The following PCDHGA10 variants were observed in gnomAD, a reference collection of about 807,000 sequenced individuals.
PCDHGA10 encodes the protein protocadherin gamma-A10.
In PCDHGA10, 42 loss-of-function variants were observed where a neutral mutation model predicts 59.5. The ratio of observed to expected loss-of-function variants is 0.71; its 90% CI spans 0.55 to 0.91. PCDHGA10 has a LOEUF of 0.91. Among genes scored for constraint, PCDHGA10 ranks in the 40% least tolerant of loss-of-function variants. The probability of loss-of-function intolerance (pLI) is 0.00; values close to 1 mark genes in which losing one functional copy is unlikely to be tolerated. For synonymous variants in PCDHGA10, 511 were observed against 517.2 expected, an observed-to-expected ratio of 0.99 and a Z score of 0.16; for missense variants, 1,111 against 1,198.2, an observed-to-expected ratio of 0.93 and a Z score of 1.07.
chr5:141,503,213 A>G (rs1368413073), intron 2 of PCDHGA10, among the ~76,000 whole-genome samples: 1 of 152,100 alleles, frequency 6.6e-6, no homozygotes, highest in Non-Finnish European at 1.5e-5. Flanking sequence ...AGTGCCCACC[A>G]TGAGCACCGT....
At chr5:141,417,913 T>C in intron 1 of PCDHGA10, 1 of 1,601,944 alleles carries the variant, frequency 6.2e-7, no homozygotes, top group Admixed American at 1.8e-5. Context: ...AGGTACTATT[T>C]CCTTTGCTGC....
chr5:141,431,036 G>A lies in PCDHGA10; in HGVS notation c.2436+15425G>A. The A allele has an allele frequency of 6.2e-7, 1 of 1,614,204 alleles. No individual in the cohort carries two copies. Among genetic ancestry groups the A allele is most frequent in the Non-Finnish European group, 8.5e-7 (1 of 1,180,034 alleles). ...GGTCACGGCGGGCAGGATAGACCGG[G>A]AGGAGCTCTGTATGGGGGCCATCAA... On this transcript the variant is annotated intron_variant, in intron 1 of 3. Coordinates refer to ENST00000398610, the MANE Select transcript of PCDHGA10 (RefSeq NM_018913.3). This position sits in a 1 kb window ranked among gnomAD's most constrained non-coding sequence, Gnocchi z 4.8.
chr5:141,505,270 G>A (rs550800630), intron 2 of PCDHGA10, 123 bp from the exon 3 acceptor site: 103 of 1,520,724 alleles, frequency 6.8e-5, no homozygotes, highest in Middle Eastern at 4.6e-4. Context: ...CTTGCTGAGA[G>A]AAACAGGTCT....
intron 1 of PCDHGA10, chr5:141,418,345 T>G: frequency 6.2e-7 from 1 of 1,614,000 alleles, no homozygotes; most frequent in Non-Finnish European, 8.5e-7. Context: ...ATCCTGATAT[T>G]AGTATGAATT....
chr5:141,499,565 C>CTTATCTTGT (rs2099792732), intron 2 of PCDHGA10, among the ~76,000 whole-genome samples: 2 of 152,168 alleles, frequency 1.3e-5, no homozygotes, highest in Non-Finnish European at 2.9e-5. Flanking sequence ...CACTATCCAG[C>CTTATCTTGT]TTCAACTAAT....
Position 141,424,520 on chromosome 5 carries a change from A to T in PCDHGA10, c.2436+8909A>T, listed in dbSNP as rs527395935. ...GTATGGAAGGTTTTTTAATGTAGTA[A>T]ATCCATATATAGAAATAACTTGATT... is the stretch of plus-strand genomic sequence containing the variant. On this transcript the variant is annotated intron_variant, in intron 1 of 3. Coordinates refer to ENST00000398610, the MANE Select transcript of PCDHGA10 (RefSeq NM_018913.3). 15 of 152,286 alleles carry T rather than the reference A, an allele frequency of 9.8e-5. No individual in the cohort carries two copies. In the East Asian group the frequency reaches 2.9e-3, roughly 29 times the overall value. The allele number at this position is 152,286 out of a possible 1,614,324, so 9.4% of individuals were successfully genotyped here. A position where few individuals can be genotyped will look rare whatever the true frequency, so the allele number is the denominator to read the frequency against.
intron 1 of PCDHGA10, chr5:141,424,527 A>G (rs1164206187): frequency 1.3e-5 from 2 of 152,214 alleles, no homozygotes; most frequent in African/African-American, 2.4e-5. Flanking sequence ...GTAAATCCAT[A>G]TATAGAAATA....
At chr5:141,510,062 G>GA (rs1448334820) in intron 3 of PCDHGA10, among the ~76,000 whole-genome samples, 1 of 152,150 alleles carries the variant, frequency 6.6e-6, no homozygotes. Flanking sequence ...TTGTGCATGT[G>GA]AAGCATCCAG....
intron 1 of PCDHGA10, chr5:141,427,761 G>A (rs1228905550): frequency 3.7e-6 from 5 of 1,366,246 alleles, no homozygotes; most frequent in Non-Finnish European, 4.1e-6. Flanking sequence ...CGTTACCACT[G>A]ACTTGGAGCT....
chr5:141,477,867 C>CGGT lies in PCDHGA10; in HGVS notation c.2437-16940_2437-16939insGGT. On this transcript the variant is annotated intron_variant, in intron 1 of 3. Transcript: ENST00000398610. This position sits in a 1 kb window ranked among gnomAD's most constrained non-coding sequence, Gnocchi z 4.9. ...TCGGTGGAGATGCTGCCTCGAGGTA[C>CGGT]CTCAGCTGGCCACCTAGTGTCACGG... 6.2e-7 allele frequency: 1 copy of CGGT among 1,613,614 alleles called. No homozygotes were observed. Among genetic ancestry groups the CGGT allele is most frequent in the Non-Finnish European group, 8.5e-7 (1 of 1,179,854 alleles).
At chr5:141,479,206 T>C (rs987807222) in intron 1 of PCDHGA10, 3 of 152,400 alleles carry the variant, frequency 2.0e-5, no homozygotes, top group African/African-American at 7.2e-5. Context: ...CAGAAAAGTA[T>C]TTAAAAAATT....
chr5:141,415,740 G>GTTTTTTTTTTTTTTTTTTTT (rs57426385), intron 1 of PCDHGA10, 129 bp downstream of exon 1: 5 of 625,024 alleles, frequency 8.0e-6, no homozygotes, highest in African/African-American at 5.0e-5. Flanking sequence ...GTTTATTAAG[G>GTTTTTTTTTTTTTTTTTTTT]TTTTTTTTTT....
At chr5:141,508,151 C>T (rs1306467936) in intron 3 of PCDHGA10, 1 of 152,548 alleles carries the variant, frequency 6.6e-6, no homozygotes, top group Admixed American at 6.5e-5. Flanking sequence ...GGCTGAGTTT[C>T]CCTGAGTAGA....
At chr5:141,442,974 A>C (rs1444888648) in intron 1 of PCDHGA10, among the ~76,000 whole-genome samples, 1 of 152,176 alleles carries the variant, frequency 6.6e-6, no homozygotes, top group Non-Finnish European at 1.5e-5. Flanking sequence ...CTGGCTGATA[A>C]AGTTAGCCTA....
At chr5:141,427,188 A>G (rs1346514063) in intron 1 of PCDHGA10, 1 of 456,744 alleles carries the variant, frequency 2.2e-6, no homozygotes, top group Admixed American at 2.3e-5. Flanking sequence ...AATTAAATCC[A>G]AAGACTTAAT....
chr5:141,473,905 G>T (rs940750776), intron 1 of PCDHGA10, among the ~76,000 whole-genome samples: 2 of 152,096 alleles, frequency 1.3e-5, no homozygotes, highest in African/African-American at 4.8e-5. Context: ...TCATGAAGAG[G>T]TCTTAAGAAA....
rs2099696598 is a variant in PCDHGA10, at chr5:141,490,144, A to C, written c.2437-4663A>C. The C allele has an allele frequency of 2.5e-6, 4 of 1,614,214 alleles. No homozygotes were observed. In the East Asian group the frequency reaches 6.7e-5, roughly 27 times the overall value. ...TGGCCTAGACCCTAGCAGTGGGGCA[A>C]TCCATGTGTTGGGTCCCATAGACTT... On this transcript the variant is annotated intron_variant, in intron 1 of 3. Transcript: ENST00000398610. The surrounding 1 kb of genome is among the most constrained non-coding windows in gnomAD (Gnocchi z 5.4).
At chr5:141,421,283 T>G (rs2096560959) in intron 1 of PCDHGA10, 4 of 1,612,952 alleles carry the variant, frequency 2.5e-6, no homozygotes, top group Non-Finnish European at 3.4e-6. Flanking sequence ...CTGCTGTGCA[T>G]TTTCCTGGGG....
intron 1 of PCDHGA10, among the ~76,000 whole-genome samples, chr5:141,463,990 G>A (rs2099073582): frequency 6.6e-6 from 1 of 151,990 alleles, no homozygotes; most frequent in Non-Finnish European, 1.5e-5. Flanking sequence ...TAAAAACCAG[G>A]TGCAGTGGCT....
Sources: gnomAD v4.1 joint callset for allele counts (sites outside exome capture counted in the v4.1 genomes callset) on GRCh38, gnomAD v4.1.1 for gene constraint, Gnocchi (gnomAD v3.1) non-coding constraint, MANE v1.5 for transcripts, NCBI Gene and HGNC (gene_info 2026-07-23, HGNC 2026-07-21) for gene names.